The following CADPS variants were observed in gnomAD, a reference collection of about 807,000 sequenced individuals.
CADPS encodes the protein calcium dependent secretion activator.
Under a neutral mutation model 167.3 loss-of-function variants are expected in CADPS, and 57 were observed. That is an observed-to-expected ratio of 0.34 (90% CI 0.28 to 0.42). CADPS has a LOEUF of 0.42. Among genes scored for constraint, CADPS ranks in the 20% least tolerant of loss-of-function variants. The pLI is 1.00. For missense variants in CADPS, 1,414 were observed against 1,738.1 expected, an observed-to-expected ratio of 0.81 and a Z score of 3.32; for synonymous variants, 676 against 635.3, an observed-to-expected ratio of 1.06 and a Z score of -0.96.
chr3:62,492,439 G>C lies in CADPS; in HGVS notation c.2735C>G (p.Ala912Gly), dbSNP rs748244005. The C allele has an allele frequency of 2.4e-5, 39 of 1,612,530 alleles. 2 individuals carry two copies. In the South Asian group the frequency reaches 4.1e-4, roughly 17 times the overall value. Residue 912 changes from alanine to glycine, a missense_variant, in exon 20 of 30, where the codon GCG becomes GGG. This residue lies in a region of CADPS where 529 missense variants were observed against 629.6 expected (regional missense o/e 0.84). Coordinates refer to ENST00000383710, the MANE Select transcript of CADPS (RefSeq NM_003716.4). ...EPHVDKGEAF[A>G]WWSDLMVEHA... is the part of the protein sequence containing the mutation. ...CTCCACCATTAAATCTGACCACCACGCAAAGGCCTTTAAAATTTGGCAGAA... is the reference window on the plus strand; with the variant it reads ...CTCCACCATTAAATCTGACCACCACCCAAAGGCCTTTAAAATTTGGCAGAA...
At position 62,459,522 on chromosome 3, in the gene CADPS, A is replaced by G. The variant is rs74694058; in HGVS notation, c.3636+5845T>C. On this transcript the variant is annotated intron_variant, in intron 26 of 29. Transcript: ENST00000383710. ...TTCCCTTTCACCTCCAGGTCTTTCTATCTTGGAATACTCTTTGTTCTCTCC... is the reference window on the plus strand; with the variant it reads ...TTCCCTTTCACCTCCAGGTCTTTCTGTCTTGGAATACTCTTTGTTCTCTCC... 1.0e-3 allele frequency among the ~76,000 whole-genome samples: 159 copies of G among 152,096 alleles called. 1 individual carries two copies. Among genetic ancestry groups the G allele is most frequent in the East Asian group, 2.5e-3 (13 of 5,170 alleles).
At chr3:62,782,816 G>C (rs1425174701) in intron 1 of CADPS, among the ~76,000 whole-genome samples, 1 of 149,014 alleles carries the variant, frequency 6.7e-6, no homozygotes, top group Non-Finnish European at 1.5e-5. Context: ...CTGGAGTGCA[G>C]TGACCCGATC....
At chr3:62,664,961 G>A (rs1349428902) in intron 3 of CADPS, among the ~76,000 whole-genome samples, 1 of 152,032 alleles carries the variant, frequency 6.6e-6, no homozygotes, top group African/African-American at 2.4e-5. Context: ...AAATTTTTAT[G>A]GAATATCTTG....
chr3:62,743,322 A>C (rs1434326356), intron 3 of CADPS, among the ~76,000 whole-genome samples: 1 of 152,216 alleles, frequency 6.6e-6, no homozygotes, highest in Non-Finnish European at 1.5e-5. Flanking sequence ...GTTTAACAAG[A>C]ACACAGCCAT....
At chr3:62,706,854 G>A (rs1248915710) in intron 3 of CADPS, among the ~76,000 whole-genome samples, 1 of 152,108 alleles carries the variant, frequency 6.6e-6, no homozygotes, top group East Asian at 1.9e-4. Flanking sequence ...TCAGAAGGGT[G>A]GAAGCGGGGT....
At chr3:62,817,128 C>T (rs1318957257) in intron 1 of CADPS, among the ~76,000 whole-genome samples, 1 of 152,118 alleles carries the variant, frequency 6.6e-6, no homozygotes, top group African/African-American at 2.4e-5. Context: ...AATATCTCCT[C>T]TCTATTACAT....
intron 5 of CADPS, among the ~76,000 whole-genome samples, chr3:62,649,693 T>C (rs2069570071): frequency 6.6e-6 from 1 of 151,446 alleles, no homozygotes; most frequent in Non-Finnish European, 1.5e-5. Flanking sequence ...CCCAAGGAGC[T>C]GCACACCATC....
chr3:62,650,175 C>T (rs1272655258), intron 5 of CADPS, among the ~76,000 whole-genome samples: 1 of 152,098 alleles, frequency 6.6e-6, no homozygotes, highest in Non-Finnish European at 1.5e-5. Flanking sequence ...AATGGCTGCA[C>T]AATTTTATAT....
chr3:62,467,180 T>C, intron 24 of CADPS: 1 of 348,570 alleles, frequency 2.9e-6, no homozygotes, highest in South Asian at 3.9e-5. Flanking sequence ...CAAAATATTA[T>C]ATGCCAGCTC....
intron 5 of CADPS, among the ~76,000 whole-genome samples, chr3:62,647,223 G>A (rs900159306): frequency 5.9e-5 from 9 of 152,106 alleles, no homozygotes; most frequent in South Asian, 2.1e-4. Flanking sequence ...ATGTGAGTGC[G>A]CAAAAAATGA....
At chr3:62,743,185 C>A (rs1247915354) in intron 3 of CADPS, among the ~76,000 whole-genome samples, 1 of 152,094 alleles carries the variant, frequency 6.6e-6, no homozygotes, top group Non-Finnish European at 1.5e-5. Flanking sequence ...TAACATCTTA[C>A]ATCCATGGAA....
At chr3:62,468,070 ACTG>A (rs2150433127) in intron 24 of CADPS, among the ~76,000 whole-genome samples, 1 of 152,290 alleles carries the variant, frequency 6.6e-6, no homozygotes, top group Non-Finnish European at 1.5e-5. Flanking sequence ...TGTTGGCTAT[ACTG>A]CTAGATTCAA....
At chr3:62,864,797 A>T (rs1184102869) in intron 1 of CADPS, among the ~76,000 whole-genome samples, 1 of 152,172 alleles carries the variant, frequency 6.6e-6, no homozygotes, top group Non-Finnish European at 1.5e-5. Context: ...AGAGCCAAGA[A>T]TGGAAATCTA....
At chr3:62,427,075 A>AG (rs34429365) in intron 28 of CADPS, among the ~76,000 whole-genome samples, 1 of 61,350 alleles carries the variant, frequency 1.6e-5, no homozygotes, top group African/African-American at 4.6e-5. Flanking sequence ...ACTCCGTATC[A>AG]AAAAAAAAAA....
At position 62,874,132 on chromosome 3, in the gene CADPS, C is replaced by G. The variant is rs1016442432; in HGVS notation, c.441+457G>C. 1.6e-4 allele frequency among the ~76,000 whole-genome samples: 24 copies of G among 152,328 alleles called. No individual in the cohort carries two copies. The highest frequency in any genetic ancestry group is 5.5e-4 in the African/African-American group (23 of 41,592). ...TCTTCTCCCTCCACCTCGGCGCCCC[C>G]ACCTGCCGTTGCCCCCGCCCGCCGA... On this transcript the variant is annotated intron_variant, in intron 1 of 29. Coordinates refer to ENST00000383710, the MANE Select transcript of CADPS (RefSeq NM_003716.4). This position sits in a 1 kb window ranked among gnomAD's most constrained non-coding sequence, Gnocchi z 7.1.
At chr3:62,638,095 GTATATA>G (rs1373593585) in intron 6 of CADPS, among the ~76,000 whole-genome samples, 1 of 28,726 alleles carries the variant, frequency 3.5e-5, no homozygotes, top group East Asian at 2.3e-3. Context: ...ATATATATAT[GTATATA>G]TATATAGCAA....
At chr3:62,702,728 A>T in intron 3 of CADPS, among the ~76,000 whole-genome samples, 1 of 152,154 alleles carries the variant, frequency 6.6e-6, no homozygotes, top group African/African-American at 2.4e-5. Flanking sequence ...ACACATGACT[A>T]TGGAACAGTT....
At chr3:62,404,182 T>C (rs1187207986) in intron 28 of CADPS, 1 of 152,434 alleles carries the variant, frequency 6.6e-6, no homozygotes, top group Non-Finnish European at 1.5e-5. Context: ...GATGGACCTA[T>C]ATATTTATTT....
chr3:62,794,782 A>T (rs1318194163), intron 1 of CADPS, among the ~76,000 whole-genome samples: 1 of 78,324 alleles, frequency 1.3e-5, no homozygotes, highest in East Asian at 8.1e-4. Flanking sequence ...AGGTGGTAAA[A>T]AAAAAAAAAA....
Sources: gnomAD v4.1 joint callset for allele counts (sites outside exome capture counted in the v4.1 genomes callset) on GRCh38, gnomAD v4.1.1 for gene constraint, gnomAD v4.1.1 regional missense constraint, Gnocchi (gnomAD v3.1) non-coding constraint, MANE v1.5 for transcripts, NCBI Gene and HGNC (gene_info 2026-07-23, HGNC 2026-07-21) for gene names.